The following RYR2 variants were observed in gnomAD, a reference collection of about 807,000 sequenced individuals.
The protein encoded by RYR2 is cardiac muscle ryanodine receptor-calcium release channel.
RYR2 carries 227 observed loss-of-function variants against 601.1 expected under a neutral mutation model. The ratio of observed to expected loss-of-function variants is 0.38; its 90% confidence interval spans 0.34 to 0.42. The LOEUF is 0.42. RYR2 is among the 10% of genes least tolerant of loss of function. The probability of loss-of-function intolerance (pLI) is 1.00; values close to 1 mark genes in which losing one functional copy is unlikely to be tolerated. For synonymous variants in RYR2, 2,223 were observed against 2,175.1 expected (o/e 1.02, Z -0.61); for missense variants, 4,646 against 6,156.5 (o/e 0.75, Z 8.21).
intron 44 of RYR2, among the ~76,000 whole-genome samples, chr1:237,637,706 G>C (rs1681022309): frequency 6.6e-6 from 1 of 152,110 alleles, no homozygotes; most frequent in Non-Finnish European, 1.5e-5. Flanking sequence ...TTAATATCTT[G>C]AGTGGATTCA....
intron 2 of RYR2, among the ~76,000 whole-genome samples, chr1:237,316,532 CGACAGATGTA>C (rs1695132126): frequency 6.6e-6 from 1 of 152,166 alleles, no homozygotes; most frequent in Admixed American, 6.5e-5. Context: ...TGTTTGCTCT[CGACAGATGTA>C]TTATCTTCCT....
intron 10 of RYR2, among the ~76,000 whole-genome samples, chr1:237,394,040 CATT>C (rs1215315600): frequency 6.6e-6 from 1 of 152,128 alleles, no homozygotes; most frequent in Non-Finnish European, 1.5e-5. Context: ...TTAAAATCAA[CATT>C]ATACAAAAAA....
intron 4 of RYR2, among the ~76,000 whole-genome samples, chr1:237,359,304 G>T (rs1283659397): frequency 6.6e-6 from 1 of 152,046 alleles, no homozygotes; most frequent in Non-Finnish European, 1.5e-5. Context: ...TGATTGTATG[G>T]GTAATCAAAA....
chr1:237,641,981 T>A (rs1027019813), intron 47 of RYR2, among the ~76,000 whole-genome samples: 26 of 151,876 alleles, frequency 1.7e-4, no homozygotes, highest in Admixed American at 9.8e-4. Flanking sequence ...TATATTCATT[T>A]AAAAAAAAAT....
At chr1:237,449,672 C>G (rs779412746) in intron 14 of RYR2, among the ~76,000 whole-genome samples, 1 of 151,824 alleles carries the variant, frequency 6.6e-6, no homozygotes, top group Non-Finnish European at 1.5e-5. Context: ...GAGATAGACT[C>G]TTTTGGCTTT....
At chr1:237,338,274 A>T (rs539173582) in intron 3 of RYR2, among the ~76,000 whole-genome samples, 1 of 152,184 alleles carries the variant, frequency 6.6e-6, no homozygotes, top group Non-Finnish European at 1.5e-5. Context: ...TTGCAAACCG[A>T]TCAATAGGAA....
At chr1:237,769,815 A>C (rs1182861381) in intron 84 of RYR2, among the ~76,000 whole-genome samples, 3 of 147,966 alleles carry the variant, frequency 2.0e-5, no homozygotes, top group Admixed American at 1.4e-4. Flanking sequence ...AAACAAATTT[A>C]GATTTTGGAG....
chr1:237,695,566 T>C (rs1229217997), intron 63 of RYR2, among the ~76,000 whole-genome samples: 3 of 152,328 alleles, frequency 2.0e-5, no homozygotes, highest in African/African-American at 7.2e-5. Flanking sequence ...TTTTATCATC[T>C]TACAAAACTC....
intron 70 of RYR2, 50 bp from the exon 71 acceptor site, chr1:237,711,694 CA>C: frequency 1.1e-6 from 1 of 919,256 alleles, no homozygotes; most frequent in African/African-American, 1.6e-5. Flanking sequence ...CCTCTAATTA[CA>C]AAGACTTCTT....
rs186915056 is a variant in RYR2 at position 237,631,965 on chromosome 1, A to G, written c.6555+424A>G. On this transcript the variant is annotated intron_variant, in intron 42 of 104. Transcript: ENST00000366574. ...TAGATTCTTAATGAGAATTTCTTAA[A>G]TCCTCTTAGGATGACTGTTTTTAAA... 6.6e-5 allele frequency among the ~76,000 whole-genome samples: 10 copies of G among 152,072 alleles called. No homozygotes were observed. In the East Asian group the frequency reaches 1.9e-3, roughly 29 times the overall value.
At chr1:237,104,066 G>T (rs1368536443) in intron 1 of RYR2, among the ~76,000 whole-genome samples, 1 of 152,046 alleles carries the variant, frequency 6.6e-6, no homozygotes, top group Non-Finnish European at 1.5e-5. Context: ...CACTGCAAAT[G>T]CATCGGTTCC....
intron 1 of RYR2, among the ~76,000 whole-genome samples, chr1:237,189,313 A>G (rs375259644): frequency 6.6e-6 from 1 of 152,232 alleles, no homozygotes; most frequent in Admixed American, 6.5e-5. Context: ...GTTAATGGAC[A>G]TGTGGGCTGC....
chr1:237,654,232 G>A (rs781464165), intron 51 of RYR2, 42 bp from the exon 52 acceptor site: 1 of 1,602,336 alleles, frequency 6.2e-7, no homozygotes, highest in South Asian at 1.1e-5. Context: ...AATATAAAAG[G>A]TTTTGATAGC....
rs576388936 is a variant in RYR2, at chr1:237,762,280, A to C, written c.11476+1252A>C. 2.3e-3 allele frequency among the ~76,000 whole-genome samples: 352 copies of C among 152,164 alleles called. 2 individuals carry two copies. Among genetic ancestry groups the C allele is most frequent in the African/African-American group, 8.1e-3 (337 of 41,516 alleles). On this transcript the variant is annotated intron_variant, in intron 84 of 104. Transcript: ENST00000366574. ...ACCTTTGAGAAAAGTCACCAGTGCCACTCTAAACCGACTTAGGTTTTCTGG... is the reference window on the plus strand; with the variant it reads ...ACCTTTGAGAAAAGTCACCAGTGCCCCTCTAAACCGACTTAGGTTTTCTGG...
rs71561888 is a variant in RYR2, at chr1:237,571,315, C to CTT, written c.3598+2011_3598+2012dup. ...CCAGTATTTCTTTTTCTTTTCTTTT[C>CTT]TTTTTTTTTTTTTTTTAAGACAGAG... On this transcript the variant is annotated intron_variant, in intron 29 of 104. Transcript: ENST00000366574. 3.1e-3 allele frequency among the ~76,000 whole-genome samples: 413 copies of CTT among 134,292 alleles called. 5 individuals carry two copies. The Middle Eastern group carries it at 0.041, about 13-fold the overall frequency. The allele number at this position is 134,292 out of a possible 152,430, so 88.1% of individuals were successfully genotyped here. A position where few individuals can be genotyped will look rare whatever the true frequency, so the allele number is the denominator to read the frequency against.
chr1:237,651,489 G>T lies in RYR2; in HGVS notation c.7812G>T (p.Lys2604Asn), dbSNP rs1178365006. 4 of 1,562,378 alleles carry T rather than the reference G, an allele frequency of 2.6e-6. No individual in the cohort carries two copies. The Admixed American group carries it at 5.5e-5, about 22-fold the overall frequency. The change falls in exon 51 of 105, where the codon AAG (lysine) becomes AAT (asparagine). Residue 2604 changes from lysine to asparagine, a missense_variant. Lys to Asn is a moderately conservative substitution (Grantham distance 94, BLOSUM62 0). Transcript: ENST00000366574. ...FDVPLLNEHA[K>N]MPLKLLTNHY... ...TTCCATTATTAAATGAACACGCAAA[G>T]ATGCCTCTTAAAGTAAGTATAGGAA...
At chr1:237,741,086 A>G (rs182086184) in intron 79 of RYR2, among the ~76,000 whole-genome samples, 208 of 152,292 alleles carry the variant, frequency 1.4e-3, no homozygotes, top group African/African-American at 4.8e-3. Context: ...TTAACATATT[A>G]CCCAGACAAT....
At chr1:237,333,296 CCG>C (rs1169482528) in intron 3 of RYR2, among the ~76,000 whole-genome samples, 2 of 152,190 alleles carry the variant, frequency 1.3e-5, no homozygotes, top group African/African-American at 4.8e-5. Context: ...CAACGGGGTA[CCG>C]TATATTAGGG....
chr1:237,096,778 C>A (rs1667548439), intron 1 of RYR2, among the ~76,000 whole-genome samples: 1 of 152,202 alleles, frequency 6.6e-6, no homozygotes. Flanking sequence ...GCTGCTCTGG[C>A]ATGTTCGGAA....
Sources: gnomAD v4.1 joint callset for allele counts (sites outside exome capture counted in the v4.1 genomes callset) on GRCh38, gnomAD v4.1.1 for gene constraint, MANE v1.5 for transcripts, NCBI Gene and HGNC (gene_info 2026-07-23, HGNC 2026-07-21) for gene names.